TRAPPC9: variants seen among roughly 807,000 people sequenced by gnomAD.
TRAPPC9 encodes IKK2 binding protein.
A neutral mutation model predicts 124.0 loss-of-function variants in TRAPPC9; 83 were observed. The observed-to-expected ratio is 0.67, with a 90% CI of 0.56 to 0.80. TRAPPC9 has a LOEUF of 0.80. TRAPPC9 is among the 30% of genes least tolerant of loss of function. TRAPPC9 has a pLI of 0.00. For missense variants in TRAPPC9, 1,302 were observed against 1,508.3 expected (o/e 0.86, Z 2.27); for synonymous variants, 638 against 617.5 (o/e 1.03, Z -0.49).
At chr8:139,807,272 A>G (rs1326641766) in intron 21 of TRAPPC9, among the ~76,000 whole-genome samples, 1 of 152,174 alleles carries the variant, frequency 6.6e-6, no homozygotes, top group Admixed American at 6.5e-5. Flanking sequence ...TGCAGGTCAC[A>G]CCAGCCAGTT....
chr8:139,834,823 G>A (rs1206662002), intron 21 of TRAPPC9, among the ~76,000 whole-genome samples: 1 of 152,206 alleles, frequency 6.6e-6, no homozygotes. Context: ...ATTTCAGGAT[G>A]TAAACCGCAG....
At chr8:139,979,057 G>A (rs2131649587) in intron 19 of TRAPPC9, among the ~76,000 whole-genome samples, 1 of 152,204 alleles carries the variant, frequency 6.6e-6, no homozygotes, top group Admixed American at 6.5e-5. Context: ...ACCAACTGGG[G>A]CGCCGTGGTT....
intron 21 of TRAPPC9, among the ~76,000 whole-genome samples, chr8:139,762,489 T>A (rs4736089): frequency 0.097 from 14,727 of 152,098 alleles, 868 homozygotes; most frequent in Admixed American, 0.15. Flanking sequence ...GCCCATTGCT[T>A]CTAGGCTATA....
chr8:140,322,727 G>A (rs2131951687), intron 9 of TRAPPC9, among the ~76,000 whole-genome samples: 1 of 152,080 alleles, frequency 6.6e-6, no homozygotes, highest in African/African-American at 2.4e-5. Flanking sequence ...TCCCAACTAT[G>A]CAGGAGGCTG....
At chr8:139,755,924 T>A (rs1412935075) in intron 21 of TRAPPC9, among the ~76,000 whole-genome samples, 14 of 92,168 alleles carry the variant, frequency 1.5e-4, no homozygotes, top group Admixed American at 5.2e-4. Flanking sequence ...GGAGCCAGGG[T>A]TTGGGGATGA....
chr8:139,782,381 AG>A (rs1382095752), intron 21 of TRAPPC9, among the ~76,000 whole-genome samples: 2 of 152,178 alleles, frequency 1.3e-5, no homozygotes, highest in African/African-American at 2.4e-5. Context: ...CTCCCAGAAA[AG>A]GGGGGAAAAA....
At chr8:139,763,871 G>T (rs1053140687) in intron 21 of TRAPPC9, among the ~76,000 whole-genome samples, 2 of 152,246 alleles carry the variant, frequency 1.3e-5, no homozygotes, top group Admixed American at 1.3e-4. Context: ...GGGGTCAGGT[G>T]TTGGGCCTCA....
chr8:140,420,563 T>A (rs1406270431), intron 5 of TRAPPC9, among the ~76,000 whole-genome samples: 1 of 152,206 alleles, frequency 6.6e-6, no homozygotes, highest in East Asian at 1.9e-4. Flanking sequence ...ATAATGAAGA[T>A]GACTTTTACA....
intron 19 of TRAPPC9, 91 bp from the exon 20 acceptor site, chr8:139,910,391 C>G: frequency 2.4e-6 from 3 of 1,250,320 alleles, no homozygotes; most frequent in Non-Finnish European, 3.5e-6. Flanking sequence ...GCGTGAGACA[C>G]TATAATGAAT....
intron 19 of TRAPPC9, among the ~76,000 whole-genome samples, chr8:139,925,211 G>A (rs1275011462): frequency 3.3e-5 from 5 of 152,216 alleles, no homozygotes; most frequent in Non-Finnish European, 7.3e-5. Flanking sequence ...TTCCTCCACA[G>A]TGTGGAAAAA....
chr8:140,141,449 T>C (rs556105748), intron 17 of TRAPPC9, among the ~76,000 whole-genome samples: 1 of 152,104 alleles, frequency 6.6e-6, no homozygotes, highest in Non-Finnish European at 1.5e-5. Context: ...TTCAGTACTA[T>C]CCACAGTTTC....
intron 18 of TRAPPC9, among the ~76,000 whole-genome samples, chr8:140,008,026 GA>G (rs1299663955): frequency 6.6e-6 from 1 of 152,188 alleles, no homozygotes; most frequent in East Asian, 1.9e-4. Flanking sequence ...AGTCCAGATA[GA>G]ATGTCAACCT....
intron 19 of TRAPPC9, among the ~76,000 whole-genome samples, chr8:139,938,672 T>C (rs1833700510): frequency 2.0e-5 from 3 of 150,828 alleles, no homozygotes; most frequent in Admixed American, 2.0e-4. Context: ...GGAGTCTCGC[T>C]CTGTCGCCCA....
chr8:140,054,389 A>G (rs1453808167), intron 17 of TRAPPC9, among the ~76,000 whole-genome samples: 1 of 152,210 alleles, frequency 6.6e-6, no homozygotes. Context: ...AAAAAACAAC[A>G]TACCAAAACC....
rs182549054 is a variant in TRAPPC9 at position 139,936,433 on chromosome 8, C to T, written c.2811-26133G>A. On this transcript the variant is annotated intron_variant, in intron 19 of 22. Transcript: ENST00000438773. ...AGGCACAAATGGTGAGTGGGGAGGT[C>T]GACACCTATATGCGGAGCTGTGGCA... 5.3e-5 allele frequency among the ~76,000 whole-genome samples: 8 copies of T among 152,214 alleles called. No homozygotes were observed. The East Asian group carries it at 9.7e-4, about 18-fold the overall frequency.
At chr8:140,267,874 G>A (rs1252794532) in intron 15 of TRAPPC9, among the ~76,000 whole-genome samples, 1 of 152,074 alleles carries the variant, frequency 6.6e-6, no homozygotes, top group Non-Finnish European at 1.5e-5. Flanking sequence ...CACCATATTG[G>A]CCAGGCTGGT....
At chr8:140,098,233 G>A (rs1389147057) in intron 17 of TRAPPC9, 1 of 152,028 alleles carries the variant, frequency 6.6e-6, no homozygotes, top group East Asian at 1.9e-4. Context: ...ACTCAGCCTA[G>A]ATCTCAGCGC....
intron 15 of TRAPPC9, among the ~76,000 whole-genome samples, chr8:140,272,396 G>A (rs558464706): frequency 2.8e-5 from 4 of 145,200 alleles, no homozygotes; most frequent in East Asian, 3.9e-4. Flanking sequence ...GGTGATGGTG[G>A]CGATGGTGAT....
chr8:139,898,926 C>T (rs536650305), intron 20 of TRAPPC9, among the ~76,000 whole-genome samples: 16 of 151,954 alleles, frequency 1.1e-4, no homozygotes, highest in Non-Finnish European at 2.2e-4. Flanking sequence ...TCAAGATCAG[C>T]CTGGCCAACA....
Sources: gnomAD v4.1 joint callset for allele counts (sites outside exome capture counted in the v4.1 genomes callset) on GRCh38, gnomAD v4.1.1 for gene constraint, MANE v1.5 for transcripts, NCBI Gene and HGNC (gene_info 2026-07-23, HGNC 2026-07-21) for gene names.